The following AFF4 variants were observed in gnomAD, a reference collection of about 807,000 sequenced individuals.
The protein encoded by AFF4 is AF4/FMR2 family member 4.
Under a neutral mutation model 124.8 loss-of-function variants are expected in AFF4, and 13 were observed. The observed-to-expected ratio is 0.10, with a 90% CI of 0.07 to 0.17. The LOEUF (loss-of-function observed/expected upper bound fraction) is 0.17, where lower values mean the gene tolerates loss of function less well. AFF4 is among the 10% of genes least tolerant of loss of function. The probability of loss-of-function intolerance (pLI) is 1.00; values close to 1 mark genes in which losing one functional copy is unlikely to be tolerated. For synonymous variants in AFF4, 477 were observed against 496.1 expected, an observed-to-expected ratio of 0.96 and a Z score of 0.51; for missense variants, 1,092 against 1,403.8, an observed-to-expected ratio of 0.78 and a Z score of 3.55.
At chr5:132,886,799 C>G (rs1581269401) in intron 17 of AFF4, among the ~76,000 whole-genome samples, 1 of 152,190 alleles carries the variant, frequency 6.6e-6, no homozygotes, top group East Asian at 1.9e-4. Context: ...AAAGACCGTG[C>G]AGGATCATCC....
In AFF4 at chr5:132,959,757, CTTTTTTTTTTT is replaced by C. The variant is rs1163731664; in HGVS notation, c.-5+3491_-5+3501del. ...GTTAACAACAAGTAGGAGTGCTTTT[CTTTTTTTTTTT>C]TTTTTTTTTTTTTTGAGACGGAGTC... On this transcript the variant is annotated intron_variant, in intron 1 of 20. Coordinates refer to ENST00000265343, the MANE Select transcript of AFF4 (RefSeq NM_014423.4). Among the ~76,000 whole-genome samples the C allele has an allele frequency of 1.3e-4, 9 of 71,508 alleles. 1 individual carries two copies. The highest frequency in any genetic ancestry group is 9.8e-4 in the East Asian group (2 of 2,042). The allele number at this position is 71,508 out of a possible 152,430, so 46.9% of individuals were successfully genotyped here. A position where few individuals can be genotyped will look rare whatever the true frequency, so the allele number is the denominator to read the frequency against.
rs758143440 is a variant in AFF4, at chr5:132,937,053, G to C, written c.123+14C>G. On this transcript the variant is annotated intron_variant, in intron 2 of 20. Transcript: ENST00000265343. ...TGCTAATGGGAAAAAAACATTCACAGAAGGGCAACTTACAACTTTGTATGG... is the reference window on the plus strand; with the variant it reads ...TGCTAATGGGAAAAAAACATTCACACAAGGGCAACTTACAACTTTGTATGG... 1 of 1,588,920 alleles carries C rather than the reference G, an allele frequency of 6.3e-7. No homozygotes were observed. The highest frequency in any genetic ancestry group is 8.6e-7 in the Non-Finnish European group (1 of 1,163,444).
At chr5:132,962,577 G>T (rs1762102130) in intron 1 of AFF4, among the ~76,000 whole-genome samples, 1 of 152,036 alleles carries the variant, frequency 6.6e-6, no homozygotes, top group Admixed American at 6.6e-5. Flanking sequence ...AGAGTGGAAG[G>T]AACAGCAAAG....
chr5:132,896,726 T>A lies in AFF4; in HGVS notation c.1904A>T (p.Lys635Ile). ...AEKKKYKSTS[K>I]SSQKSREIIE... is the part of the protein sequence containing the mutation. ...GATTTCCCTTGATTTCTGGGAAGAT[T>A]TACTTGTTGACTTATATTTCTTTTT... The change falls in exon 11 of 21, where the codon AAA (lysine) becomes ATA (isoleucine). Residue 635 changes from lysine to isoleucine, a missense_variant. Physicochemically the swap from Lys to Ile is moderately radical, Grantham distance 102. This residue lies in a region of AFF4 where 174 missense variants were observed against 205.9 expected (regional missense o/e 0.84). Transcript: ENST00000265343. The A allele has an allele frequency of 1.2e-6, 2 of 1,614,142 alleles. No individual in the cohort carries two copies. The highest frequency in any genetic ancestry group is 1.1e-5 in the South Asian group (1 of 91,076).
chr5:132,961,279 A>T (rs1762076435), intron 1 of AFF4, among the ~76,000 whole-genome samples: 1 of 152,098 alleles, frequency 6.6e-6, no homozygotes, highest in African/African-American at 2.4e-5. Flanking sequence ...CCTCTGGAGT[A>T]GCTGGGACTA....
intron 4 of AFF4, among the ~76,000 whole-genome samples, chr5:132,930,707 GCA>G (rs1244813501): frequency 6.6e-6 from 1 of 151,814 alleles, no homozygotes; most frequent in Non-Finnish European, 1.5e-5. Flanking sequence ...TCTCTACTAA[GCA>G]AAAAGTAGTC....
intron 17 of AFF4, among the ~76,000 whole-genome samples, chr5:132,887,072 G>C (rs1028703060): frequency 1.3e-5 from 2 of 152,170 alleles, no homozygotes; most frequent in African/African-American, 4.8e-5. Context: ...CTTCTTCTTA[G>C]CTGCATTCCC....
At chr5:132,946,531 C>T (rs1442201223) in intron 1 of AFF4, among the ~76,000 whole-genome samples, 2 of 152,178 alleles carry the variant, frequency 1.3e-5, no homozygotes. Flanking sequence ...CATGCTACAA[C>T]ATAGATGAAC....
chr5:132,925,149 T>C (rs1436849822), intron 5 of AFF4, among the ~76,000 whole-genome samples: 7 of 151,886 alleles, frequency 4.6e-5, no homozygotes, highest in Non-Finnish European at 1.0e-4. Flanking sequence ...CACTCCAGCC[T>C]GGGTGACAAA....
intron 5 of AFF4, among the ~76,000 whole-genome samples, chr5:132,909,298 C>T (rs527418049): frequency 3.1e-4 from 47 of 152,096 alleles, no homozygotes; most frequent in African/African-American, 1.1e-3. Flanking sequence ...GCGCATGCCA[C>T]CACGCCCAGC....
intron 4 of AFF4, among the ~76,000 whole-genome samples, chr5:132,928,581 C>T (rs1761233451): frequency 6.6e-6 from 1 of 152,152 alleles, no homozygotes; most frequent in Admixed American, 6.6e-5. Context: ...ATGCTCTATT[C>T]CCATCATCTT....
intron 1 of AFF4, among the ~76,000 whole-genome samples, chr5:132,961,312 G>A (rs982135346): frequency 1.3e-5 from 2 of 152,032 alleles, no homozygotes; most frequent in Non-Finnish European, 2.9e-5. Flanking sequence ...ACCATGTCTG[G>A]CTAATTTGGT....
chr5:132,896,946 C>T lies in AFF4; in HGVS notation c.1684G>A (p.Val562Ile). The part of the protein sequence containing the change: ...QSDSTTQRRT[V>I]GKKQPKKAEK... Reference sequence around the variant, plus strand: ...GCCTTTTTGGGTTGTTTTTTGCCTACAGTTCTTCTCTGTGTTGTGCTGTCA... The same window carrying T: ...GCCTTTTTGGGTTGTTTTTTGCCTATAGTTCTTCTCTGTGTTGTGCTGTCA... Residue 562 changes from valine to isoleucine, a missense_variant, in exon 11 of 21, where the codon GTA (valine) becomes ATA (isoleucine). By Grantham distance (29) the Val-to-Ile change is conservative (BLOSUM62 3). Transcript: ENST00000265343. 1.2e-6 allele frequency: 2 copies of T among 1,614,154 alleles called. No homozygotes were observed. Among genetic ancestry groups the T allele is most frequent in the East Asian group, 2.2e-5 (1 of 44,882 alleles).
intron 7 of AFF4, chr5:132,900,807 A>G: frequency 1.1e-6 from 1 of 925,210 alleles, no homozygotes; most frequent in East Asian, 1.2e-4. Context: ...AAAAATTAAT[A>G]CAAAGCTTAG....
At chr5:132,887,052 CTG>C (rs1223095055) in intron 17 of AFF4, among the ~76,000 whole-genome samples, 1 of 152,188 alleles carries the variant, frequency 6.6e-6, no homozygotes, top group Non-Finnish European at 1.5e-5. Context: ...ATGAATAGGG[CTG>C]TGTTAGTCTT....
At chr5:132,960,865 A>G (rs1196586134) in intron 1 of AFF4, among the ~76,000 whole-genome samples, 1 of 152,196 alleles carries the variant, frequency 6.6e-6, no homozygotes, top group Non-Finnish European at 1.5e-5. Flanking sequence ...CAATATCTGC[A>G]AGAGACAGGG....
intron 1 of AFF4, among the ~76,000 whole-genome samples, chr5:132,954,550 T>TAATGCTCTTTG (rs1367074784): frequency 6.9e-6 from 1 of 145,930 alleles, no homozygotes; most frequent in Non-Finnish European, 1.5e-5. Flanking sequence ...AATGCTCTTT[T>TAATGCTCTTTG]TTTTTTTTTT....
At chr5:132,918,435 G>T (rs146722760) in intron 5 of AFF4, among the ~76,000 whole-genome samples, 1 of 152,122 alleles carries the variant, frequency 6.6e-6, no homozygotes, top group African/African-American at 2.4e-5. Context: ...GCCGAGGCAG[G>T]TGGATCAGTT....
chr5:132,885,510 T>C (rs1026976983), intron 18 of AFF4, among the ~76,000 whole-genome samples: 3 of 151,476 alleles, frequency 2.0e-5, no homozygotes, highest in Non-Finnish European at 4.4e-5. Context: ...AGATGAATCA[T>C]ACTATGCACA....
Sources: allele counts gnomAD v4.1 joint callset (sites outside exome capture counted in the v4.1 genomes callset), GRCh38; gene constraint gnomAD v4.1.1; regional missense constraint gnomAD v4.1.1; transcripts MANE v1.5; gene names NCBI Gene and HGNC (gene_info 2026-07-23, HGNC 2026-07-21).